Variants in PTPRD observed in about 807,000 individuals in gnomAD.
PTPRD encodes the protein protein tyrosine phosphatase receptor type D.
A neutral mutation model predicts 214.5 loss-of-function variants in PTPRD; 34 were observed. That is an observed-to-expected ratio of 0.16 (90% CI 0.12 to 0.21). The LOEUF is 0.21. PTPRD is among the 10% of genes least tolerant of loss of function. PTPRD has a pLI of 1.00. For missense variants in PTPRD, 2,545 were observed against 2,398.7 expected (o/e 1.06, Z -1.27); for synonymous variants, 1,128 against 845.7 (o/e 1.33, Z -5.79).
At chr9:10,554,882 G>C (rs184650592) in intron 2 of PTPRD, among the ~76,000 whole-genome samples, 1 of 152,030 alleles carries the variant, frequency 6.6e-6, no homozygotes, top group African/African-American at 2.4e-5. Context: ...GGATGGTCTC[G>C]ATCTCCTGAC....
At chr9:10,339,725 G>C (rs2154442876) in intron 3 of PTPRD, among the ~76,000 whole-genome samples, 1 of 151,660 alleles carries the variant, frequency 6.6e-6, no homozygotes, top group East Asian at 1.9e-4. Context: ...TTATCTTTAA[G>C]AGATTAACAG....
intron 12 of PTPRD, among the ~76,000 whole-genome samples, chr9:8,705,238 T>C (rs1191297776): frequency 3.3e-5 from 5 of 152,188 alleles, no homozygotes; most frequent in Non-Finnish European, 5.9e-5. Context: ...TTGTTTTGTT[T>C]TTTGAGATGG....
intron 7 of PTPRD, among the ~76,000 whole-genome samples, chr9:9,652,741 A>G (rs1192477833): frequency 1.3e-5 from 2 of 151,638 alleles, no homozygotes; most frequent in South Asian, 2.1e-4. Flanking sequence ...CAGCCTCCCA[A>G]GTAGCTGGGA....
chr9:8,801,454 C>T (rs368384993), intron 11 of PTPRD, among the ~76,000 whole-genome samples: 5 of 152,170 alleles, frequency 3.3e-5, no homozygotes, highest in Non-Finnish European at 7.3e-5. Context: ...CAGTGGCTCA[C>T]GCCTGTAATC....
chr9:10,488,638 T>C (rs963880821), intron 2 of PTPRD, among the ~76,000 whole-genome samples: 29 of 152,056 alleles, frequency 1.9e-4, no homozygotes, highest in African/African-American at 6.8e-4. Flanking sequence ...TGGTGATCTA[T>C]TTTACTGCAG....
chr9:9,368,216 A>G (rs773374642), intron 9 of PTPRD, among the ~76,000 whole-genome samples: 5 of 151,790 alleles, frequency 3.3e-5, no homozygotes, highest in Non-Finnish European at 7.4e-5. Flanking sequence ...AAGTGACCCT[A>G]GTAAATTCAC....
chr9:9,432,050 A>T (rs1335550333), intron 8 of PTPRD, among the ~76,000 whole-genome samples: 1 of 23,122 alleles, frequency 4.3e-5, no homozygotes, highest in African/African-American at 1.9e-4. Flanking sequence ...CTTAAAGTAT[A>T]ATAATAATAA....
chr9:9,334,011 G>A (rs908532045), intron 9 of PTPRD, among the ~76,000 whole-genome samples: 3 of 151,866 alleles, frequency 2.0e-5, no homozygotes, highest in East Asian at 1.9e-4. Flanking sequence ...AAGCTAGTCT[G>A]TACATTTAAT....
intron 9 of PTPRD, among the ~76,000 whole-genome samples, chr9:9,195,433 G>A (rs1471030746): frequency 1.3e-5 from 2 of 152,092 alleles, no homozygotes; most frequent in African/African-American, 4.8e-5. Flanking sequence ...CTAAATACAG[G>A]CCAATTGGTC....
At chr9:8,471,221 A>G (rs1350469559) in intron 30 of PTPRD, 136 bp from the exon 31 acceptor site, 5 of 683,470 alleles carry the variant, frequency 7.3e-6, no homozygotes, top group East Asian at 5.3e-5. Context: ...TCTTACATCA[A>G]TGACAAATAT....
chr9:8,635,925 C>G lies in PTPRD; in HGVS notation c.210+774G>C, dbSNP rs116608439. Among the ~76,000 whole-genome samples the G allele has an allele frequency of 8.4e-3, 1,277 of 152,152 alleles. 12 individuals carry two copies. The highest frequency in any genetic ancestry group is 0.036 in the East Asian group (184 of 5,166). Reference sequence around the variant, plus strand: ...AACCATCAGCCTTCTCACAAACACTCAAAAAAAGAATCTTTGATTTATGTT... The same window carrying G: ...AACCATCAGCCTTCTCACAAACACTGAAAAAAAGAATCTTTGATTTATGTT... On this transcript the variant is annotated intron_variant, in intron 13 of 45. Transcript: ENST00000381196.
intron 2 of PTPRD, among the ~76,000 whole-genome samples, chr9:10,481,920 C>T (rs569802751): frequency 6.6e-6 from 1 of 152,008 alleles, no homozygotes; most frequent in East Asian, 1.9e-4. Flanking sequence ...AAAATATAAG[C>T]TTAATTTTTA....
At chr9:8,968,361 A>G (rs1249313030) in intron 11 of PTPRD, among the ~76,000 whole-genome samples, 1 of 152,040 alleles carries the variant, frequency 6.6e-6, no homozygotes, top group East Asian at 1.9e-4. Context: ...ACTAGTTTAC[A>G]GTCCCACCAA....
At chr9:9,207,491 T>C (rs1002786088) in intron 9 of PTPRD, among the ~76,000 whole-genome samples, 2 of 151,816 alleles carry the variant, frequency 1.3e-5, no homozygotes, top group Non-Finnish European at 2.9e-5. Flanking sequence ...AATAAAAATA[T>C]AAACTAAAGC....
intron 3 of PTPRD, among the ~76,000 whole-genome samples, chr9:10,204,608 C>G (rs2099457578): frequency 6.6e-6 from 1 of 151,938 alleles, no homozygotes; most frequent in Admixed American, 6.6e-5. Flanking sequence ...TCAATTTTTT[C>G]AAGCTTAGTA....
intron 8 of PTPRD, among the ~76,000 whole-genome samples, chr9:9,564,472 T>C (rs989154683): frequency 2.0e-5 from 3 of 152,052 alleles, no homozygotes; most frequent in Non-Finnish European, 4.4e-5. Context: ...GACTCCACAT[T>C]AGATCAACTA....
chr9:10,586,899 A>G (rs1294258346), intron 2 of PTPRD, among the ~76,000 whole-genome samples: 1 of 151,836 alleles, frequency 6.6e-6, no homozygotes, highest in Non-Finnish European at 1.5e-5. Flanking sequence ...AAAGTATTTA[A>G]TCAACACACT....
At chr9:8,955,592 C>G (rs2099127099) in intron 11 of PTPRD, among the ~76,000 whole-genome samples, 3 of 151,818 alleles carry the variant, frequency 2.0e-5, no homozygotes, top group African/African-American at 7.2e-5. Flanking sequence ...GAGGCTTCCT[C>G]TGAGAGGCTA....
chr9:9,459,734 A>G (rs1310410240), intron 8 of PTPRD, among the ~76,000 whole-genome samples: 6 of 152,170 alleles, frequency 3.9e-5, no homozygotes, highest in Non-Finnish European at 8.8e-5. Flanking sequence ...GCTCATGAAT[A>G]GGAATAATCA....
Sources: allele counts gnomAD v4.1 joint callset (sites outside exome capture counted in the v4.1 genomes callset), GRCh38; gene constraint gnomAD v4.1.1; transcripts MANE v1.5; gene names NCBI Gene and HGNC (gene_info 2026-07-23, HGNC 2026-07-21).